Variants in NKAIN3 observed in about 807,000 individuals in gnomAD.
The protein encoded by NKAIN3 is sodium/potassium-transporting ATPase subunit beta-1-interacting protein 3.
Under a neutral mutation model 30.2 loss-of-function variants are expected in NKAIN3, and 25 were observed. The ratio of observed to expected loss-of-function variants is 0.83; its 90% confidence interval spans 0.60 to 1.16. The LOEUF (loss-of-function observed/expected upper bound fraction) is 1.16, where lower values mean the gene tolerates loss of function less well. Among genes scored for constraint, NKAIN3 ranks in the 50% most tolerant of loss-of-function variants. The probability of loss-of-function intolerance (pLI) is 0.00; values close to 1 mark genes in which losing one functional copy is unlikely to be tolerated. For synonymous variants in NKAIN3, 91 were observed against 89.6 expected (o/e 1.02, Z -0.09); for missense variants, 225 against 254.1 (o/e 0.89, Z 0.78).
At chr8:62,285,318 A>G (rs1343905603) in intron 1 of NKAIN3, among the ~76,000 whole-genome samples, 1 of 152,216 alleles carries the variant, frequency 6.6e-6, no homozygotes, top group Non-Finnish European at 1.5e-5. Context: ...GAGAGAATAC[A>G]TAAATGTATA....
chr8:62,875,753 G>A (rs965313129), intron 4 of NKAIN3, among the ~76,000 whole-genome samples: 8 of 152,176 alleles, frequency 5.3e-5, no homozygotes, highest in African/African-American at 1.9e-4. Context: ...AGGAAATGGT[G>A]CTTGGAAAAC....
At chr8:62,615,556 G>T (rs1194285386) in intron 3 of NKAIN3, among the ~76,000 whole-genome samples, 1 of 152,154 alleles carries the variant, frequency 6.6e-6, no homozygotes, top group Non-Finnish European at 1.5e-5. Flanking sequence ...CCTAAGAGTT[G>T]CAGTCCTTGT....
chr8:62,724,093 C>T (rs374066535), intron 3 of NKAIN3, among the ~76,000 whole-genome samples: 44 of 152,108 alleles, frequency 2.9e-4, no homozygotes, highest in East Asian at 7.7e-4. Flanking sequence ...CCAAATGACA[C>T]GGACAAGCTA....
intron 1 of NKAIN3, among the ~76,000 whole-genome samples, chr8:62,258,495 A>T (rs534386678): frequency 1.3e-5 from 2 of 152,012 alleles, no homozygotes; most frequent in Middle Eastern, 3.4e-3. Flanking sequence ...AAAAAAGGAA[A>T]CAAAAATAAA....
intron 3 of NKAIN3, among the ~76,000 whole-genome samples, chr8:62,701,706 C>G (rs1207297577): frequency 6.6e-6 from 1 of 152,138 alleles, no homozygotes; most frequent in South Asian, 2.1e-4. Context: ...TCTCTGGAAC[C>G]CTGTTTCCAT....
chr8:62,604,102 T>G (rs1811055036), intron 3 of NKAIN3, among the ~76,000 whole-genome samples: 1 of 152,022 alleles, frequency 6.6e-6, no homozygotes, highest in South Asian at 2.1e-4. Context: ...ACAGGAGAGA[T>G]TCCATCCTTC....
chr8:62,844,520 A>G (rs1424032413), intron 4 of NKAIN3, among the ~76,000 whole-genome samples: 3 of 152,172 alleles, frequency 2.0e-5, no homozygotes, highest in African/African-American at 7.2e-5. Flanking sequence ...TAAATGAAAA[A>G]TGTTACTTTT....
intron 5 of NKAIN3, among the ~76,000 whole-genome samples, chr8:62,925,767 G>A (rs909924354): frequency 2.7e-4 from 41 of 152,128 alleles, no homozygotes; most frequent in Admixed American, 1.1e-3. Context: ...GATCAGGCAC[G>A]TCACATTTCC....
At chr8:62,805,839 A>C (rs2130704124) in intron 4 of NKAIN3, among the ~76,000 whole-genome samples, 1 of 152,336 alleles carries the variant, frequency 6.6e-6, no homozygotes, top group South Asian at 2.1e-4. Context: ...GCACAGCAAA[A>C]GAAACTACCA....
intron 1 of NKAIN3, among the ~76,000 whole-genome samples, chr8:62,518,704 C>G (rs1267140630): frequency 2.0e-5 from 3 of 152,000 alleles, no homozygotes; most frequent in Non-Finnish European, 4.4e-5. Context: ...CTTTTTAAAA[C>G]TATGATTTTT....
At chr8:62,554,251 G>A (rs1464777033) in intron 1 of NKAIN3, among the ~76,000 whole-genome samples, 1 of 152,104 alleles carries the variant, frequency 6.6e-6, no homozygotes, top group Non-Finnish European at 1.5e-5. Flanking sequence ...TTTTTAGAAA[G>A]TTTTACTTAC....
intron 1 of NKAIN3, among the ~76,000 whole-genome samples, chr8:62,272,095 G>C (rs903719787): frequency 6.6e-6 from 1 of 152,166 alleles, no homozygotes; most frequent in African/African-American, 2.4e-5. Flanking sequence ...TGTATAAATG[G>C]ATTGTTGTAC....
chr8:62,964,594 G>A (rs189412671), intron 6 of NKAIN3, among the ~76,000 whole-genome samples: 244 of 149,900 alleles, frequency 1.6e-3, no homozygotes, highest in African/African-American at 5.4e-3. Context: ...CCACACATGC[G>A]TGCATCTGGG....
At chr8:62,442,417 T>C (rs1313474747) in intron 1 of NKAIN3, among the ~76,000 whole-genome samples, 2 of 152,020 alleles carry the variant, frequency 1.3e-5, no homozygotes, top group African/African-American at 2.4e-5. Context: ...ATAGCATTAA[T>C]ACCTGGAGAT....
intron 3 of NKAIN3, among the ~76,000 whole-genome samples, chr8:62,721,872 T>A (rs558302202): frequency 1.1e-3 from 164 of 152,312 alleles, no homozygotes; most frequent in African/African-American, 3.7e-3. Context: ...TTGAAACATG[T>A]AGCCATAATA....
At chr8:62,500,274 G>T (rs970414043) in intron 1 of NKAIN3, among the ~76,000 whole-genome samples, 1 of 152,034 alleles carries the variant, frequency 6.6e-6, no homozygotes, top group Non-Finnish European at 1.5e-5. Flanking sequence ...CTTGAATCTT[G>T]TCAGCTTTCT....
chr8:62,911,062 A>T (rs574272374), intron 4 of NKAIN3, among the ~76,000 whole-genome samples: 1 of 152,324 alleles, frequency 6.6e-6, no homozygotes, highest in East Asian at 1.9e-4. Flanking sequence ...CGTATACTTT[A>T]GGCATCATTC....
At chr8:62,947,326 G>C (rs1359505451) in intron 5 of NKAIN3, among the ~76,000 whole-genome samples, 1 of 152,060 alleles carries the variant, frequency 6.6e-6, no homozygotes, top group Non-Finnish European at 1.5e-5. Flanking sequence ...ATCTGCTTTG[G>C]GGAAACAAAC....
chr8:62,694,309 A>G (rs977521606), intron 3 of NKAIN3, among the ~76,000 whole-genome samples: 1 of 152,150 alleles, frequency 6.6e-6, no homozygotes, highest in African/African-American at 2.4e-5. Context: ...ACTTCTGTCC[A>G]TCAATGGATG....
Sources: allele counts gnomAD v4.1 joint callset (sites outside exome capture counted in the v4.1 genomes callset), GRCh38; gene constraint gnomAD v4.1.1; transcripts MANE v1.5; gene names NCBI Gene and HGNC (gene_info 2026-07-23, HGNC 2026-07-21).